DAB1: variants seen among roughly 807,000 people sequenced by gnomAD.
DAB1 encodes DAB adaptor protein 1.
Under a neutral mutation model 64.6 loss-of-function variants are expected in DAB1, and 15 were observed. The ratio of observed to expected loss-of-function variants is 0.23; its 90% CI spans 0.16 to 0.36. DAB1 has a LOEUF of 0.36. Ranked by LOEUF, DAB1 falls within the 10% of genes least tolerant of loss-of-function variation. The pLI is 1.00. For synonymous variants in DAB1, 235 were observed against 251.9 expected, an observed-to-expected ratio of 0.93 and a Z score of 0.64; for missense variants, 596 against 706.7, an observed-to-expected ratio of 0.84 and a Z score of 1.78.
chr1:58,521,559 C>T (rs1016275949), intron 2 of DAB1, among the ~76,000 whole-genome samples: 1 of 151,662 alleles, frequency 6.6e-6, no homozygotes, highest in Non-Finnish European at 1.5e-5. Context: ...CAAAGAGCAC[C>T]AATATTAACA....
intron 2 of DAB1, among the ~76,000 whole-genome samples, chr1:57,238,893 A>ACACC (rs771778950): frequency 2.1e-4 from 31 of 148,002 alleles, no homozygotes; most frequent in East Asian, 1.2e-3. Context: ...ACACACACAC[A>ACACC]CCCCTAACTT....
At chr1:57,398,077 C>A (rs111823891) in intron 1 of DAB1, among the ~76,000 whole-genome samples, 208 of 152,266 alleles carry the variant, frequency 1.4e-3, no homozygotes, top group African/African-American at 4.7e-3. Context: ...ATTTGACTGC[C>A]CAAGTTTACC....
At chr1:57,667,838 G>A (rs1646466612) in intron 6 of DAB1, among the ~76,000 whole-genome samples, 1 of 152,008 alleles carries the variant, frequency 6.6e-6, no homozygotes, top group Non-Finnish European at 1.5e-5. Flanking sequence ...AGAACACATG[G>A]ACACGGGGAG....
At chr1:58,427,367 ATCT>A (rs938010467) in intron 3 of DAB1, among the ~76,000 whole-genome samples, 5 of 152,082 alleles carry the variant, frequency 3.3e-5, no homozygotes, top group Non-Finnish European at 7.4e-5. Flanking sequence ...GACAGTGTTG[ATCT>A]TAAGAGTTTT....
chr1:57,927,289 C>T (rs939946610), intron 5 of DAB1, among the ~76,000 whole-genome samples: 4 of 152,156 alleles, frequency 2.6e-5, no homozygotes, highest in African/African-American at 9.7e-5. Context: ...GGACAGCTGC[C>T]CCCTTGAGTG....
chr1:57,838,147 T>A (rs1424544800), intron 1 of DAB1, among the ~76,000 whole-genome samples: 1 of 152,152 alleles, frequency 6.6e-6, no homozygotes, highest in Admixed American at 6.5e-5. Flanking sequence ...CACTTGGAGC[T>A]CTCTGAATGT....
At chr1:57,238,741 G>A (rs1310710537) in intron 2 of DAB1, among the ~76,000 whole-genome samples, 1 of 151,954 alleles carries the variant, frequency 6.6e-6, no homozygotes, top group Non-Finnish European at 1.5e-5. Context: ...AACAATCCAT[G>A]TACAATGACT....
rs183498031 is a variant in DAB1 at position 58,268,604 on chromosome 1, A to T, written n.309+74748T>A. ...TAAAGCCCCTGATTGCTGGTCCAAA[A>T]GAGGTGCTTCCAAAAGACACAAATA... On this transcript the variant is annotated intron_variant and non_coding_transcript_variant, in intron 4 of 20. Transcript: ENST00000485760. Among the ~76,000 whole-genome samples the T allele has an allele frequency of 3.3e-3, 500 of 152,322 alleles. 1 individual carries two copies. Among genetic ancestry groups the T allele is most frequent in the African/African-American group, 0.011 (465 of 41,564 alleles).
intron 4 of DAB1, among the ~76,000 whole-genome samples, chr1:58,252,405 T>C (rs1302989288): frequency 6.6e-6 from 1 of 152,186 alleles, no homozygotes. Flanking sequence ...GCCACCTTCA[T>C]CTAGTTAGAA....
intron 5 of DAB1, among the ~76,000 whole-genome samples, chr1:57,967,032 T>A (rs1053695945): frequency 3.3e-5 from 5 of 152,212 alleles, no homozygotes; most frequent in Admixed American, 3.3e-4. Context: ...TTTAAATGAA[T>A]GAAGGTGCAC....
At chr1:57,328,840 G>C (rs1305936053) in intron 1 of DAB1, among the ~76,000 whole-genome samples, 3 of 152,188 alleles carry the variant, frequency 2.0e-5, no homozygotes, top group African/African-American at 7.2e-5. Context: ...CATGTGGCAT[G>C]TGAGGGATAA....
intron 4 of DAB1, among the ~76,000 whole-genome samples, chr1:58,254,542 C>G (rs1277858396): frequency 1.0e-5 from 1 of 96,706 alleles, no homozygotes; most frequent in African/African-American, 4.3e-5. Context: ...ATCCCTCCCC[C>G]CTCCCCCCAC....
intron 1 of DAB1, among the ~76,000 whole-genome samples, chr1:57,415,806 A>G (rs953179589): frequency 6.6e-6 from 1 of 152,170 alleles, no homozygotes; most frequent in African/African-American, 2.4e-5. Flanking sequence ...CTACACCATC[A>G]CCAGGGACTA....
chr1:57,601,012 GT>G (rs914783796), intron 7 of DAB1, among the ~76,000 whole-genome samples: 3 of 151,370 alleles, frequency 2.0e-5, no homozygotes, highest in East Asian at 1.9e-4. Flanking sequence ...TAAAAAGAGA[GT>G]TTTTTTTTAA....
Position 58,198,139 on chromosome 1 carries a change from C to G in DAB1, n.310-47551G>C, listed in dbSNP as rs190813659. ...CATCAAGAAGTCACGACAGCTGCATCCAGGAGAGAGAAAGTCAGAGTACAG... is the reference window on the plus strand; with the variant it reads ...CATCAAGAAGTCACGACAGCTGCATGCAGGAGAGAGAAAGTCAGAGTACAG... On this transcript the variant is annotated intron_variant and non_coding_transcript_variant, in intron 4 of 20. Coordinates refer to the DAB1 transcript ENST00000485760. 2.6e-3 allele frequency among the ~76,000 whole-genome samples: 391 copies of G among 152,320 alleles called. 3 individuals are homozygous for G. Among genetic ancestry groups the G allele is most frequent in the African/African-American group, 9.1e-3 (380 of 41,566 alleles).
At chr1:58,480,790 A>C (rs1230473965) in intron 3 of DAB1, 3 of 504,610 alleles carry the variant, frequency 5.9e-6, no homozygotes, top group Non-Finnish European at 6.8e-6. Flanking sequence ...ATTAAAATAC[A>C]TCAATATTTC....
chr1:57,998,627 G>A (rs1022870505), intron 5 of DAB1, among the ~76,000 whole-genome samples: 1 of 152,128 alleles, frequency 6.6e-6, no homozygotes, highest in Admixed American at 6.5e-5. Context: ...GTCTCCCAAA[G>A]TGCTGGGATT....
chr1:57,263,043 A>C (rs968758049), intron 2 of DAB1, among the ~76,000 whole-genome samples: 2 of 152,218 alleles, frequency 1.3e-5, no homozygotes, highest in African/African-American at 4.8e-5. Flanking sequence ...TCTGTCTCTT[A>C]AAAGCAGTGT....
intron 3 of DAB1, among the ~76,000 whole-genome samples, chr1:58,429,307 G>C (rs1382798474): frequency 6.6e-6 from 1 of 152,196 alleles, no homozygotes; most frequent in African/African-American, 2.4e-5. Flanking sequence ...GGCAACAAAA[G>C]TTATAAGACT....
Sources: allele counts gnomAD v4.1 joint callset (sites outside exome capture counted in the v4.1 genomes callset), GRCh38; gene constraint gnomAD v4.1.1; transcripts MANE v1.5; gene names NCBI Gene and HGNC (gene_info 2026-07-23, HGNC 2026-07-21).